STAG2: variants seen among roughly 807,000 people sequenced by gnomAD.
The protein encoded by STAG2 is cohesin subunit SA-2.
STAG2 carries 14 observed loss-of-function variants against 108.1 expected under a neutral mutation model. That is an observed-to-expected ratio of 0.13 (90% confidence interval 0.09 to 0.20). STAG2 has a LOEUF of 0.20. Among genes scored for constraint, STAG2 ranks in the 10% least tolerant of loss-of-function variants. STAG2 has a pLI of 1.00. For synonymous variants in STAG2, 307 were observed against 302.7 expected (o/e 1.01, Z -0.15); for missense variants, 440 against 940.9 (o/e 0.47, Z 6.96).
At chrX:123,964,208 T>G (rs892129552) in intron 1 of STAG2, among the ~76,000 whole-genome samples, 31 of 110,288 alleles carry the variant, frequency 2.8e-4, no homozygotes, top group African/African-American at 1.0e-3. Context: ...CATAGGAAAT[T>G]TAGCCTTGTG....
At chrX:123,981,798 A>G (rs927358155) in intron 1 of STAG2, among the ~76,000 whole-genome samples, 29 of 111,695 alleles carry the variant, frequency 2.6e-4, no homozygotes, top group African/African-American at 9.1e-4. Context: ...TATGGAATTT[A>G]CAGTCTAGTA....
intron 1 of STAG2, among the ~76,000 whole-genome samples, chrX:124,018,522 A>G (rs937019946): frequency 5.4e-5 from 6 of 110,898 alleles, no homozygotes; most frequent in Admixed American, 3.9e-4. Flanking sequence ...GGATGGATTG[A>G]CAGAGTCTTA....
At chrX:124,092,153 G>C (rs1403599584) in intron 32 of STAG2, among the ~76,000 whole-genome samples, 9 of 111,126 alleles carry the variant, frequency 8.1e-5, no homozygotes, top group African/African-American at 2.6e-4. Context: ...AATTTTACCT[G>C]TTTTTCTTAC....
In STAG2 at chrX:124,061,357, T is replaced by G. The variant is rs1361532349; in HGVS notation, c.1534+16T>G. On this transcript the variant is annotated intron_variant, in intron 16 of 34. Transcript: ENST00000371145. ...GGAGAGGAAGGTAAGGATGTTTAAT[T>G]ATGATATTTTTGTTTAGACAGTTTT... is the stretch of plus-strand genomic sequence containing the variant. 2.7e-6 allele frequency: 3 copies of G among 1,123,204 alleles called. No individual in the cohort carries two copies. The Admixed American group carries it at 6.8e-5, about 25-fold the overall frequency. 92.6% of individuals were successfully genotyped at this position (1,123,204 alleles called of 1,213,427 possible). A position where few individuals can be genotyped will look rare whatever the true frequency, so the allele number is the denominator to read the frequency against.
At chrX:124,097,750 C>A in intron 34 of STAG2, 1 of 319,490 alleles carries the variant, frequency 3.1e-6, no homozygotes, top group Non-Finnish European at 6.2e-6. Context: ...CATTTAGTGA[C>A]TTTGCTCAGT....
At chrX:124,087,534 A>G (rs1278401741) in intron 30 of STAG2, among the ~76,000 whole-genome samples, 1 of 111,757 alleles carries the variant, frequency 8.9e-6, no homozygotes, top group Non-Finnish European at 1.9e-5. Flanking sequence ...GCTGGCTGTC[A>G]TTTGGGACCT....
chrX:124,031,458 C>G (rs965109248), intron 5 of STAG2, among the ~76,000 whole-genome samples: 6 of 109,373 alleles, frequency 5.5e-5, no homozygotes, highest in Non-Finnish European at 7.6e-5. Flanking sequence ...CTCCTGGGTT[C>G]AAGCGATTCT....
chrX:124,001,398 T>A (rs754063319), intron 1 of STAG2, among the ~76,000 whole-genome samples: 55 of 111,245 alleles, frequency 4.9e-4, no homozygotes, highest in Non-Finnish European at 7.5e-4. Context: ...CCAAAATATT[T>A]AAAAAAATAC....
intron 1 of STAG2, among the ~76,000 whole-genome samples, chrX:123,998,371 A>C (rs1236116970): frequency 9.7e-6 from 1 of 102,662 alleles, no homozygotes; most frequent in African/African-American, 3.6e-5. Flanking sequence ...GGATTTTGCC[A>C]TGTTGGCCAG....
intron 4 of STAG2, among the ~76,000 whole-genome samples, chrX:124,027,264 A>G (rs2057136667): frequency 8.9e-6 from 1 of 111,759 alleles, no homozygotes; most frequent in Admixed American, 9.5e-5. Context: ...CGTTTAATGT[A>G]TGGAACATAA....
intron 4 of STAG2, among the ~76,000 whole-genome samples, chrX:124,026,166 ATAATAC>A (rs1286770235): frequency 4.0e-5 from 4 of 98,787 alleles, no homozygotes; most frequent in African/African-American, 1.5e-4. Flanking sequence ...AATAATAATA[ATAATAC>A]ATTTCCAGTA....
At chrX:124,064,663 C>T (rs764971095) in intron 20 of STAG2, among the ~76,000 whole-genome samples, 1 of 110,601 alleles carries the variant, frequency 9.0e-6, no homozygotes, top group Non-Finnish European at 1.9e-5. Flanking sequence ...AGGCTGGTCT[C>T]GAATTCCTGA....
Position 124,090,975 on chromosome X carries a change from GTGCCT to G in STAG2, c.3578+13_3578+17del. 1.8e-6 allele frequency: 2 copies of G among 1,114,303 alleles called. No homozygotes were observed. The highest frequency in any genetic ancestry group is 1.2e-6 in the Non-Finnish European group (1 of 811,933). The allele number at this position is 1,114,303 out of a possible 1,213,427, so 91.8% of individuals were successfully genotyped here. On this transcript the variant is annotated intron_variant, in intron 32 of 34. Transcript: ENST00000371145. ...TCTTCAGCATGCCATGTAAGTGAGAGTGCCTTATTGTCTGAGTCTAGGAAGTTCAC... is the reference window on the plus strand; with the variant it reads ...TCTTCAGCATGCCATGTAAGTGAGAGTATTGTCTGAGTCTAGGAAGTTCAC...
intron 1 of STAG2, among the ~76,000 whole-genome samples, chrX:123,974,276 A>G (rs2054513804): frequency 9.8e-6 from 1 of 102,055 alleles, no homozygotes; most frequent in Non-Finnish European, 2.0e-5. Flanking sequence ...TCTGTTGGCC[A>G]GGCTGGAGTG....
intron 1 of STAG2, among the ~76,000 whole-genome samples, chrX:123,975,707 G>A (rs747581982): frequency 8.1e-5 from 9 of 111,635 alleles, no homozygotes; most frequent in East Asian, 5.7e-4. Flanking sequence ...CAGGTGATCC[G>A]CCCACCTTGG....
intron 1 of STAG2, among the ~76,000 whole-genome samples, chrX:123,986,245 ATGT>A (rs1415083299): frequency 9.2e-6 from 1 of 108,314 alleles, no homozygotes; most frequent in Admixed American, 1.0e-4. Context: ...AATATATATG[ATGT>A]TAATATATAT....
At chrX:123,968,901 T>G (rs1465923968) in intron 1 of STAG2, among the ~76,000 whole-genome samples, 2 of 111,521 alleles carry the variant, frequency 1.8e-5, no homozygotes, top group Non-Finnish European at 3.8e-5. Context: ...TCTCAGAGAG[T>G]AAATGCCTTG....
At chrX:123,975,375 A>G (rs1217743323) in intron 1 of STAG2, among the ~76,000 whole-genome samples, 1 of 112,311 alleles carries the variant, frequency 8.9e-6, no homozygotes, top group East Asian at 2.8e-4. Context: ...AAGTGGTGGT[A>G]GTCATGGTTG....
At chrX:124,057,785 T>C (rs375039145) in intron 14 of STAG2, 81 bp from the exon 15 acceptor site, 25 of 595,294 alleles carry the variant, frequency 4.2e-5, no homozygotes, top group African/African-American at 1.7e-4. Context: ...TCCTTAGATA[T>C]GAAATTGAAA....
Sources: allele counts gnomAD v4.1 joint callset (sites outside exome capture counted in the v4.1 genomes callset), GRCh38; gene constraint gnomAD v4.1.1; transcripts MANE v1.5; gene names NCBI Gene and HGNC (gene_info 2026-07-23, HGNC 2026-07-21).